MAPK8IP3: variants seen among roughly 807,000 people sequenced by gnomAD.
The protein encoded by MAPK8IP3 is mitogen-activated protein kinase 8 interacting protein 3, also known as C-Jun-amino-terminal kinase-interacting protein 3.
Under a neutral mutation model 157.8 loss-of-function variants are expected in MAPK8IP3, and 49 were observed. The ratio of observed to expected loss-of-function variants is 0.31; its 90% CI spans 0.25 to 0.39. MAPK8IP3 has a LOEUF of 0.39. MAPK8IP3 is among the 10% of genes least tolerant of loss of function. The pLI is 1.00. For synonymous variants in MAPK8IP3, 897 were observed against 777.7 expected, an observed-to-expected ratio of 1.15 and a Z score of -2.55; for missense variants, 1,478 against 1,889.4, an observed-to-expected ratio of 0.78 and a Z score of 4.04.
rs116436119 is a variant in MAPK8IP3, at chr16:1,759,054, C to T, written c.1246+59C>T. 5,064 of 1,603,228 alleles carry T rather than the reference C, an allele frequency of 3.2e-3. 148 individuals are homozygous for T. In the African/African-American group the frequency reaches 0.055, roughly 17 times the overall value. ...TCCTCCACCCCGACATGGTCTCCTGCTTCATGAGCCGTTTGCTTTGTTCTG... is the reference window on the plus strand; with the variant it reads ...TCCTCCACCCCGACATGGTCTCCTGTTTCATGAGCCGTTTGCTTTGTTCTG... On this transcript the variant is annotated intron_variant, in intron 10 of 31. Transcript: ENST00000610761.
intron 1 of MAPK8IP3, among the ~76,000 whole-genome samples, chr16:1,711,862 C>T (rs1490500163): frequency 6.7e-6 from 1 of 150,372 alleles, no homozygotes; most frequent in Non-Finnish European, 1.5e-5. Context: ...ATCGCTTGAA[C>T]ACAGGAGGTA....
At chr16:1,765,560 C>A (rs897913911) in intron 20 of MAPK8IP3, among the ~76,000 whole-genome samples, 24 of 152,206 alleles carry the variant, frequency 1.6e-4, no homozygotes, top group African/African-American at 5.6e-4. Flanking sequence ...TTCGTGTCAC[C>A]CCTGTGGGCA....
At chr16:1,753,144 A>G (rs1382663002) in intron 8 of MAPK8IP3, among the ~76,000 whole-genome samples, 1 of 152,200 alleles carries the variant, frequency 6.6e-6, no homozygotes, top group Non-Finnish European at 1.5e-5. Flanking sequence ...TCCAGCGTCT[A>G]CGTGGGCGGC....
chr16:1,765,381 C>T (rs2042199620), intron 20 of MAPK8IP3, among the ~76,000 whole-genome samples: 1 of 152,232 alleles, frequency 6.6e-6, no homozygotes, highest in Admixed American at 6.5e-5. Flanking sequence ...CAGCCTCGGC[C>T]TCTTCTCCCT....
At position 1,768,904 on chromosome 16, in the gene MAPK8IP3, C is replaced by T. The variant is rs2042450760; in HGVS notation, c.*80C>T. The T allele has an allele frequency of 6.6e-7, 1 of 1,523,174 alleles. No homozygotes were observed. Among genetic ancestry groups the T allele is most frequent in the Non-Finnish European group, 8.9e-7 (1 of 1,123,954 alleles). 94.4% of individuals were successfully genotyped at this position (1,523,174 alleles called of 1,614,324 possible). ...CCGCCCGGCCCGCGGGGTAGCCAGC[C>T]AGGCGCCGCCGCCCCTCTTCTAACC... On this transcript the variant is annotated 3_prime_UTR_variant, in exon 32 of 32. Coordinates refer to ENST00000610761, the MANE Select transcript of MAPK8IP3 (RefSeq NM_001318852.2).
chr16:1,739,909 ACCGT>A (rs536717267), intron 4 of MAPK8IP3, among the ~76,000 whole-genome samples: 96 of 85,632 alleles, frequency 1.1e-3, no homozygotes, highest in Non-Finnish European at 1.8e-3. Flanking sequence ...CATCCCTGTG[ACCGT>A]CCGTGTGAGC....
At chr16:1,728,586 G>A (rs541515287) in intron 2 of MAPK8IP3, among the ~76,000 whole-genome samples, 5 of 145,932 alleles carry the variant, frequency 3.4e-5, no homozygotes, top group Non-Finnish European at 5.9e-5. Flanking sequence ...CCCCCCAGAC[G>A]GCCTTCACAG....
chr16:1,733,190 A>G (rs777702677), intron 4 of MAPK8IP3, among the ~76,000 whole-genome samples: 121 of 152,108 alleles, frequency 8.0e-4, no homozygotes, highest in Non-Finnish European at 1.6e-3. Flanking sequence ...CCTCCTTGCC[A>G]GCGCAGCCTC....
intron 1 of MAPK8IP3, among the ~76,000 whole-genome samples, chr16:1,716,921 TG>T (rs2038189957): frequency 6.6e-6 from 1 of 151,394 alleles, no homozygotes; most frequent in Admixed American, 6.6e-5. Context: ...TAGCCGCGTG[TG>T]GTGGTGGGCG....
chr16:1,724,531 G>A lies in MAPK8IP3; in HGVS notation c.319-26G>A. Reference sequence around the variant, plus strand: ...TGCTCCACACTCACTCCTGATGACTGCTCTTTCCCTCCCTTCCATGCACAG... The same window carrying A: ...TGCTCCACACTCACTCCTGATGACTACTCTTTCCCTCCCTTCCATGCACAG... On this transcript the variant is annotated intron_variant, in intron 1 of 31. Transcript: ENST00000610761. This position sits in a 1 kb window ranked among gnomAD's most constrained non-coding sequence, Gnocchi z 4.1. The A allele has an allele frequency of 6.2e-7, 1 of 1,610,696 alleles. No homozygotes were observed. The highest frequency in any genetic ancestry group is 8.5e-7 in the Non-Finnish European group (1 of 1,179,136).
At chr16:1,736,645 ACCGT>A (rs1405732062) in intron 4 of MAPK8IP3, among the ~76,000 whole-genome samples, 5 of 57,230 alleles carry the variant, frequency 8.7e-5, no homozygotes, top group Admixed American at 3.2e-4. Context: ...TGAGCGTGTG[ACCGT>A]CCGTGTGAGC....
chr16:1,721,444 T>G (rs2038515401), intron 1 of MAPK8IP3, among the ~76,000 whole-genome samples: 1 of 150,880 alleles, frequency 6.6e-6, no homozygotes, highest in Admixed American at 6.6e-5. Context: ...CTACAAAACC[T>G]TTTTTTTTAG....
intron 7 of MAPK8IP3, 27 bp downstream of exon 7, chr16:1,748,373 T>C (rs1403935764): frequency 6.5e-7 from 1 of 1,547,710 alleles, no homozygotes; most frequent in African/African-American, 1.4e-5. Flanking sequence ...GGCCCTGGGG[T>C]CCTGGGGGCT....
At chr16:1,732,796 C>G (rs2039402306) in intron 4 of MAPK8IP3, among the ~76,000 whole-genome samples, 1 of 152,048 alleles carries the variant, frequency 6.6e-6, no homozygotes, top group Non-Finnish European at 1.5e-5. Context: ...ATCCGCCCAC[C>G]TGGAGCACCA....
chr16:1,768,178 C>T lies in MAPK8IP3; in HGVS notation c.3563-21C>T, dbSNP rs1002900121. ...CTCCACCTGTATGCGGGCTCAGCGC[C>T]TCTGGGTTCTCTCCCTGCAGCCAAT... is the stretch of plus-strand genomic sequence containing the variant. On this transcript the variant is annotated intron_variant, in intron 29 of 31. Transcript: ENST00000610761. 25 of 1,611,778 alleles carry T rather than the reference C, an allele frequency of 1.6e-5. No homozygotes were observed. In the Admixed American group the frequency reaches 3.7e-4, roughly 24 times the overall value.
rs184394136 is a variant in MAPK8IP3 at position 1,743,744 on chromosome 16, G to A, written c.747+268G>A. ...AGACCTCCCTGCCCTTGGATAGACC[G>A]CTCTGTAGCCAGGGGTGTACAGTGC... On this transcript the variant is annotated intron_variant, in intron 5 of 31. Transcript: ENST00000610761. This position sits in a 1 kb window ranked among gnomAD's most constrained non-coding sequence, Gnocchi z 5.6. 5,436 of 1,350,990 alleles carry A rather than the reference G, an allele frequency of 4.0e-3. 18 individuals are homozygous for A. The highest frequency in any genetic ancestry group is 4.9e-3 in the Non-Finnish European group (5,211 of 1,057,878). 83.7% of individuals were successfully genotyped at this position (1,350,990 alleles called of 1,614,324 possible).
rs753619008 is a variant in MAPK8IP3 at position 1,747,178 on chromosome 16, T to C, written c.897T>C (p.Tyr299=). The C allele has an allele frequency of 5.6e-6, 9 of 1,613,788 alleles. No individual in the cohort carries two copies. The highest frequency in any genetic ancestry group is 7.6e-6 in the Non-Finnish European group (9 of 1,180,006). Residue 299 remains tyrosine (Y), a synonymous_variant, in exon 6 of 32, where the codon TAT becomes TAC. Coordinates refer to ENST00000610761, the MANE Select transcript of MAPK8IP3 (RefSeq NM_001318852.2). ...AGAGCCTGCAGCCCCTGGGGGACTA[T>C]GGCGTGGGCTCCAAGAACAGCAAGC... ...LNESLQPLGD[Y]GVGSKNSKRA... is the part of the protein sequence containing the mutation.
intron 8 of MAPK8IP3, chr16:1,752,563 C>T (rs1184434262): frequency 1.2e-5 from 4 of 328,452 alleles, no homozygotes; most frequent in Admixed American, 7.7e-5. Flanking sequence ...GTCAACATAG[C>T]GAGACCCCAT....
intron 1 of MAPK8IP3, among the ~76,000 whole-genome samples, chr16:1,719,777 T>TC (rs887209969): frequency 5.5e-4 from 82 of 150,082 alleles, no homozygotes; most frequent in African/African-American, 1.9e-3. Flanking sequence ...GCCCGCGAGG[T>TC]CAAGGCTGCA....
Sources: gnomAD v4.1 joint callset for allele counts (sites outside exome capture counted in the v4.1 genomes callset) on GRCh38, gnomAD v4.1.1 for gene constraint, Gnocchi (gnomAD v3.1) non-coding constraint, MANE v1.5 for transcripts, NCBI Gene and HGNC (gene_info 2026-07-23, HGNC 2026-07-21) for gene names.